The following PSAT1 variants were observed in gnomAD, a reference collection of about 807,000 sequenced individuals.
The protein encoded by PSAT1 is phosphoserine aminotransferase.
A neutral mutation model predicts 40.3 loss-of-function variants in PSAT1; 41 were observed. That is an observed-to-expected ratio of 1.02 (90% CI 0.79 to 1.32). The LOEUF is 1.32. Among genes scored for constraint, PSAT1 ranks in the 40% most tolerant of loss-of-function variants. PSAT1 has a pLI of 0.00. For missense variants in PSAT1, 406 were observed against 455.8 expected (o/e 0.89, Z 0.99); for synonymous variants, 147 against 170.5 (o/e 0.86, Z 1.07).
At chr9:78,311,635 C>T (rs11137599) in intron 6 of PSAT1, among the ~76,000 whole-genome samples, 43,909 of 151,800 alleles carry the variant, frequency 0.29, 6,533 homozygotes, top group East Asian at 0.45. Context: ...AAATCGAGAC[C>T]AGCCAGACCA....
At position 78,304,610 on chromosome 9, in the gene PSAT1, T is replaced by C. The variant is rs1828153705; in HGVS notation, c.192-125T>C. On this transcript the variant is annotated intron_variant, in intron 3 of 8. Coordinates refer to ENST00000376588, the MANE Select transcript of PSAT1 (RefSeq NM_058179.4). ...GTGAATTAGGGAAGACAAAGTAGTA[T>C]TGTAACATTACCATATTTCTTGTAG... 4 of 902,576 alleles carry C rather than the reference T, an allele frequency of 4.4e-6. No homozygotes were observed. The South Asian group carries it at 5.4e-5, about 12-fold the overall frequency. The allele number at this position is 902,576 out of a possible 1,614,324, so 55.9% of individuals were successfully genotyped here.
chr9:78,317,936 C>T (rs1828373275), intron 7 of PSAT1, 132 bp downstream of exon 7: 3 of 1,158,000 alleles, frequency 2.6e-6, no homozygotes, highest in African/African-American at 3.0e-5. Flanking sequence ...GTGTGTGGTC[C>T]TGGGCCCCAT....
chr9:78,313,702 C>T (rs1828299716), intron 6 of PSAT1, among the ~76,000 whole-genome samples: 1 of 152,036 alleles, frequency 6.6e-6, no homozygotes. Flanking sequence ...TGGAGTGCAG[C>T]AGTGTGATGA....
chr9:78,304,696 T>C lies in PSAT1; in HGVS notation c.192-39T>C, dbSNP rs201243453. On this transcript the variant is annotated intron_variant, in intron 3 of 8. Coordinates refer to ENST00000376588, the MANE Select transcript of PSAT1 (RefSeq NM_058179.4). ...CACTTGTTCTCAATCTTTGACCACA[T>C]GAGTTTATGTATTGACTGTTACCTA... The C allele has an allele frequency of 5.3e-5, 83 of 1,553,458 alleles. No individual in the cohort carries two copies. The African/African-American group carries it at 7.9e-4, about 15-fold the overall frequency.
At chr9:78,316,696 G>A (rs548723757) in intron 6 of PSAT1, among the ~76,000 whole-genome samples, 13 of 152,294 alleles carry the variant, frequency 8.5e-5, no homozygotes, top group South Asian at 2.1e-4. Context: ...TGGATCTCCC[G>A]GTTCCAGATG....
intron 6 of PSAT1, among the ~76,000 whole-genome samples, chr9:78,310,205 T>C (rs1185763006): frequency 1.3e-5 from 2 of 152,166 alleles, no homozygotes; most frequent in Non-Finnish European, 2.9e-5. Context: ...ACTACCCTAG[T>C]AGGTAGCCAG....
intron 7 of PSAT1, among the ~76,000 whole-genome samples, chr9:78,320,017 C>T (rs896567490): frequency 1.3e-5 from 2 of 151,578 alleles, no homozygotes; most frequent in African/African-American, 2.4e-5. Flanking sequence ...TCTGTCTACC[C>T]ATTCATCTAT....
chr9:78,325,582 C>A (rs1828485492), intron 7 of PSAT1, among the ~76,000 whole-genome samples: 1 of 152,276 alleles, frequency 6.6e-6, no homozygotes, highest in Non-Finnish European at 1.5e-5. Flanking sequence ...CCCCTGAAAC[C>A]TGTCAACCTT....
intron 7 of PSAT1, among the ~76,000 whole-genome samples, chr9:78,325,675 C>T (rs960374662): frequency 2.6e-5 from 4 of 152,212 alleles, no homozygotes; most frequent in Non-Finnish European, 4.4e-5. Flanking sequence ...ATTGTGATTC[C>T]CTCCGGAGCC....
chr9:78,316,982 G>A (rs2118679152), intron 6 of PSAT1, among the ~76,000 whole-genome samples: 1 of 152,134 alleles, frequency 6.6e-6, no homozygotes, highest in Admixed American at 6.5e-5. Context: ...CGCTCTGGGA[G>A]TTCAGGAAGT....
chr9:78,299,176 G>A (rs1828070514), intron 1 of PSAT1, among the ~76,000 whole-genome samples: 1 of 139,340 alleles, frequency 7.2e-6, no homozygotes, highest in Non-Finnish European at 1.5e-5. Flanking sequence ...AAAAAAATTG[G>A]TTATGATCCA....
chr9:78,302,828 C>CTT (rs1828127865), intron 3 of PSAT1, among the ~76,000 whole-genome samples: 2 of 151,238 alleles, frequency 1.3e-5, no homozygotes, highest in Non-Finnish European at 2.9e-5. Flanking sequence ...TTTTAACAGG[C>CTT]TCTTTGGGTA....
rs1476718902 is a variant in PSAT1 at position 78,308,465 on chromosome 9, A to G, written c.622A>G (p.Thr208Ala). The change falls in exon 6 of 9, where the codon ACC (threonine) becomes GCC (alanine). Residue 208 changes from threonine to alanine, a missense_variant. Physicochemically the swap from Thr to Ala is moderately conservative, Grantham distance 58. Transcript: ENST00000376588. Reference protein sequence around the residue: ...AQKNVGSAGVTVVIVRDDLLG... With the variant: ...AQKNVGSAGVAVVIVRDDLLG... ...GAAGAATGTTGGCTCTGCTGGGGTCACCGTGGTGATTGTCCGTGATGACCT... is the reference window on the plus strand; with the variant it reads ...GAAGAATGTTGGCTCTGCTGGGGTCGCCGTGGTGATTGTCCGTGATGACCT... 2 of 1,613,746 alleles carry G rather than the reference A, an allele frequency of 1.2e-6. No individual in the cohort carries two copies. Among genetic ancestry groups the G allele is most frequent in the East Asian group, 2.2e-5 (1 of 44,896 alleles).
intron 5 of PSAT1, 102 bp downstream of exon 5, chr9:78,306,588 T>C: frequency 7.0e-7 from 1 of 1,437,996 alleles, no homozygotes; most frequent in Admixed American, 1.7e-5. Flanking sequence ...GTTTGAGGCC[T>C]GCAGAACCCC....
Position 78,308,583 on chromosome 9 carries a change from G to A in PSAT1, c.740G>A (p.Ser247Asn). The A allele has an allele frequency of 6.2e-7, 1 of 1,613,978 alleles. No individual in the cohort carries two copies. The highest frequency in any genetic ancestry group is 8.5e-7 in the Non-Finnish European group (1 of 1,180,000). ...SSLYNTPPCFSIYVMGLVLEW... is the reference protein window; with the variant it reads ...SSLYNTPPCFNIYVMGLVLEW... The stretch of plus-strand genomic sequence containing the variant: ...TTGTACAACACGCCTCCATGTTTCA[G>A]GTAACTCTGGGAGTCAGTCTTGTGG... The change falls in exon 6 of 9, where the codon AGC becomes AAC. Residue 247 changes from serine to asparagine, a missense_variant and splice_region_variant. Coordinates refer to ENST00000376588, the MANE Select transcript of PSAT1 (RefSeq NM_058179.4).
chr9:78,318,791 G>A (rs1828386205), intron 7 of PSAT1, among the ~76,000 whole-genome samples: 1 of 152,176 alleles, frequency 6.6e-6, no homozygotes, highest in Non-Finnish European at 1.5e-5. Flanking sequence ...CATATTCACA[G>A]ATTCTGGGGG....
intron 6 of PSAT1, among the ~76,000 whole-genome samples, chr9:78,309,537 A>G (rs937294702): frequency 2.0e-5 from 3 of 152,014 alleles, no homozygotes; most frequent in African/African-American, 7.2e-5. Context: ...TAATTTTTGT[A>G]TTTTTAGTAG....
At chr9:78,326,957 T>A (rs200468675) in intron 7 of PSAT1, among the ~76,000 whole-genome samples, 1,837 of 58,850 alleles carry the variant, frequency 0.031, 24 homozygotes, top group East Asian at 0.16. Flanking sequence ...ATATATATAT[T>A]TTTTTTTTTT....
At chr9:78,297,409 G>A (rs1028102619) in intron 1 of PSAT1, 139 bp downstream of exon 1, 2 of 1,038,268 alleles carry the variant, frequency 1.9e-6, no homozygotes, top group Non-Finnish European at 2.9e-6. Context: ...AGCGTGCACA[G>A]CGGGATCAGC....
Sources: gnomAD v4.1 joint callset for allele counts (sites outside exome capture counted in the v4.1 genomes callset) on GRCh38, gnomAD v4.1.1 for gene constraint, MANE v1.5 for transcripts, NCBI Gene and HGNC (gene_info 2026-07-23, HGNC 2026-07-21) for gene names.